Variants in CSMD1 observed in about 807,000 individuals in gnomAD.
The protein encoded by CSMD1 is CUB and sushi domain-containing protein 1.
CSMD1 carries 213 observed loss-of-function variants against 417.5 expected under a neutral mutation model. That is an observed-to-expected ratio of 0.51 (90% CI 0.46 to 0.57). CSMD1 has a LOEUF of 0.57. CSMD1 is among the 20% of genes least tolerant of loss of function. The probability of loss-of-function intolerance (pLI) is 0.00; values close to 1 mark genes in which losing one functional copy is unlikely to be tolerated. For missense variants in CSMD1, 6,923 were observed against 4,529.7 expected (o/e 1.53, Z -15.17); for synonymous variants, 2,862 against 1,736.8 (o/e 1.65, Z -16.11).
intron 5 of CSMD1, among the ~76,000 whole-genome samples, chr8:3,830,658 G>C (rs747957129): frequency 6.6e-6 from 1 of 152,034 alleles, no homozygotes; most frequent in South Asian, 2.1e-4. Context: ...ATGTGCCTAG[G>C]AATTCACACT....
At chr8:4,199,921 G>A (rs896202841) in intron 3 of CSMD1, among the ~76,000 whole-genome samples, 1 of 152,038 alleles carries the variant, frequency 6.6e-6, no homozygotes, top group Admixed American at 6.6e-5. Flanking sequence ...TTGTGGTGAA[G>A]TACGGTTACA....
At chr8:4,450,526 T>A (rs1193965899) in intron 2 of CSMD1, among the ~76,000 whole-genome samples, 1 of 152,094 alleles carries the variant, frequency 6.6e-6, no homozygotes, top group Non-Finnish European at 1.5e-5. Context: ...TGCCAGCTAC[T>A]TGGGAGGCTG....
At chr8:4,327,962 A>C (rs1799651554) in intron 3 of CSMD1, among the ~76,000 whole-genome samples, 1 of 152,186 alleles carries the variant, frequency 6.6e-6, no homozygotes, top group South Asian at 2.1e-4. Flanking sequence ...CTAGAAGTTG[A>C]ATGAAATTCT....
At chr8:4,420,998 C>T (rs183481935) in intron 2 of CSMD1, among the ~76,000 whole-genome samples, 61 of 152,222 alleles carry the variant, frequency 4.0e-4, no homozygotes, top group African/African-American at 1.3e-3. Flanking sequence ...TCTTTGTAAA[C>T]TGCAGTATCT....
chr8:4,409,231 T>C (rs1167931032), intron 3 of CSMD1, among the ~76,000 whole-genome samples: 2 of 152,232 alleles, frequency 1.3e-5, no homozygotes, highest in African/African-American at 4.8e-5. Flanking sequence ...GAAATTCGAA[T>C]GCATTTTTAC....
At chr8:4,167,826 C>A (rs1176006791) in intron 3 of CSMD1, among the ~76,000 whole-genome samples, 1 of 152,152 alleles carries the variant, frequency 6.6e-6, no homozygotes, top group East Asian at 1.9e-4. Context: ...TCCATCTCTA[C>A]CAAGAATTAT....
At chr8:4,697,937 G>C (rs887122433) in intron 1 of CSMD1, among the ~76,000 whole-genome samples, 1 of 152,026 alleles carries the variant, frequency 6.6e-6, no homozygotes, top group Non-Finnish European at 1.5e-5. Context: ...TTAAAACATT[G>C]GTCCTGTCAA....
At chr8:3,291,781 CTGGATTCATTGACTTT>C in intron 25 of CSMD1, among the ~76,000 whole-genome samples, 1 of 151,328 alleles carries the variant, frequency 6.6e-6, no homozygotes. Flanking sequence ...AAGTCAGCTC[CTGGATTCATTGACTTT>C]TTTAAGGGTT....
intron 3 of CSMD1, among the ~76,000 whole-genome samples, chr8:4,381,082 G>C (rs57777162): frequency 0.084 from 12,724 of 152,176 alleles, 694 homozygotes; most frequent in South Asian, 0.19. Flanking sequence ...TGGTTCAAAA[G>C]TAATTGTGGT....
At chr8:3,922,940 G>C (rs1194383195) in intron 5 of CSMD1, among the ~76,000 whole-genome samples, 3 of 152,306 alleles carry the variant, frequency 2.0e-5, no homozygotes, top group South Asian at 2.1e-4. Flanking sequence ...TACCGAAACA[G>C]ATTGTGTGAG....
chr8:4,029,949 T>A (rs1008121025), intron 4 of CSMD1, among the ~76,000 whole-genome samples: 1 of 152,076 alleles, frequency 6.6e-6, no homozygotes, highest in Non-Finnish European at 1.5e-5. Context: ...AGTGGGGCAG[T>A]CAAATCTTAA....
At chr8:3,418,194 C>A (rs962288178) in intron 12 of CSMD1, among the ~76,000 whole-genome samples, 1 of 152,142 alleles carries the variant, frequency 6.6e-6, no homozygotes, top group Non-Finnish European at 1.5e-5. Flanking sequence ...GGGAACTACA[C>A]CTGCTGTGTT....
intron 5 of CSMD1, among the ~76,000 whole-genome samples, chr8:3,898,401 C>A (rs574400835): frequency 6.6e-6 from 1 of 152,258 alleles, no homozygotes; most frequent in Non-Finnish European, 1.5e-5. Context: ...AGTTACTAAT[C>A]AAGTGCCATT....
At chr8:3,674,644 T>C (rs1456752168) in intron 7 of CSMD1, among the ~76,000 whole-genome samples, 1 of 152,108 alleles carries the variant, frequency 6.6e-6, no homozygotes. Flanking sequence ...ATAATAAAAC[T>C]GAGTCAAAAA....
At chr8:4,549,069 A>G (rs1248746316) in intron 2 of CSMD1, among the ~76,000 whole-genome samples, 2 of 152,164 alleles carry the variant, frequency 1.3e-5, no homozygotes, top group African/African-American at 2.4e-5. Context: ...TTTTAACTTC[A>G]TTAACTTCAT....
chr8:4,083,888 A>T (rs533207559), intron 3 of CSMD1, among the ~76,000 whole-genome samples: 2 of 152,302 alleles, frequency 1.3e-5, no homozygotes, highest in East Asian at 3.9e-4. Context: ...AGAAACTACC[A>T]CCAGAGTGAA....
chr8:4,463,574 C>G (rs1430796591), intron 2 of CSMD1, among the ~76,000 whole-genome samples: 2 of 152,118 alleles, frequency 1.3e-5, no homozygotes, highest in African/African-American at 4.8e-5. Context: ...TCCAGAAATA[C>G]AGAAGAAGTG....
chr8:3,402,432 G>C (rs1027966854), intron 15 of CSMD1, among the ~76,000 whole-genome samples: 3 of 152,128 alleles, frequency 2.0e-5, no homozygotes, highest in African/African-American at 4.8e-5. Flanking sequence ...AAAATAGCTT[G>C]AGATTTTCAT....
At chr8:4,176,262 G>C (rs774712466) in intron 3 of CSMD1, among the ~76,000 whole-genome samples, 33 of 152,004 alleles carry the variant, frequency 2.2e-4, no homozygotes, top group Non-Finnish European at 3.8e-4. Flanking sequence ...TGGTAGATTA[G>C]ACTGCAAAAA....
Sources: allele counts gnomAD v4.1 joint callset (sites outside exome capture counted in the v4.1 genomes callset), GRCh38; gene constraint gnomAD v4.1.1; transcripts MANE v1.5; gene names NCBI Gene and HGNC (gene_info 2026-07-23, HGNC 2026-07-21).